TTBK2: variants seen among roughly 807,000 people sequenced by gnomAD.
TTBK2 encodes the protein tau-tubulin kinase 2.
In TTBK2, 28 loss-of-function variants were observed where a neutral mutation model predicts 110.8. The observed-to-expected ratio is 0.25, with a 90% CI of 0.19 to 0.35. The LOEUF (loss-of-function observed/expected upper bound fraction) is 0.35. Among genes scored for constraint, TTBK2 ranks in the 10% least tolerant of loss-of-function variants. TTBK2 has a pLI of 1.00. For synonymous variants in TTBK2, 532 were observed against 527.3 expected, an observed-to-expected ratio of 1.01 and a Z score of -0.12; for missense variants, 1,369 against 1,500.3, an observed-to-expected ratio of 0.91 and a Z score of 1.45.
chr15:42,801,239 C>T, intron 9 of TTBK2: 1 of 1,535,576 alleles, frequency 6.5e-7, no homozygotes, highest in African/African-American at 1.4e-5. Flanking sequence ...CCAACAGCTT[C>T]CTGTAGGTGG....
chr15:42,797,802 CAT>C (rs1209239992), intron 9 of TTBK2, among the ~76,000 whole-genome samples: 7 of 151,934 alleles, frequency 4.6e-5, no homozygotes, highest in African/African-American at 9.7e-5. Context: ...TGTGTGAATA[CAT>C]GTCTGTGTAT....
At chr15:42,861,662 T>C (rs1156797068) in intron 3 of TTBK2, among the ~76,000 whole-genome samples, 1 of 151,316 alleles carries the variant, frequency 6.6e-6, no homozygotes, top group East Asian at 1.9e-4. Context: ...AAATTAACAA[T>C]CTAATATCTT....
intron 1 of TTBK2, among the ~76,000 whole-genome samples, chr15:42,907,649 C>G (rs753873214): frequency 6.6e-6 from 1 of 151,438 alleles, no homozygotes; most frequent in Non-Finnish European, 1.5e-5. Flanking sequence ...TGGTGGTTAC[C>G]AGAGGCTGAA....
chr15:42,811,168 A>AT (rs1253808449), intron 8 of TTBK2, among the ~76,000 whole-genome samples: 2 of 152,012 alleles, frequency 1.3e-5, no homozygotes, highest in Non-Finnish European at 2.9e-5. Context: ...TTTTTAAAAA[A>AT]TTTTTGTAAA....
rs780679843 is a variant in TTBK2, at chr15:42,829,998, C to T, written c.372G>A (p.Gln124=). The change falls in exon 5 of 15, where the codon CAG becomes CAA. Residue 124 remains glutamine (Q), a synonymous_variant. Coordinates refer to ENST00000267890, the MANE Select transcript of TTBK2 (RefSeq NM_173500.4). The part of the protein sequence containing the change: ...TISTTLRLGR[Q]ILESIESIHS... ...GAATGCTTTCAATAGACTCCAAAAT[C>T]TGTCTACCCAGCCGGAGAGTGGTAC... The T allele has an allele frequency of 5.6e-6, 9 of 1,614,138 alleles. No individual in the cohort carries two copies. Among genetic ancestry groups the T allele is most frequent in the Non-Finnish European group, 6.8e-6 (8 of 1,180,026 alleles).
Position 42,872,691 on chromosome 15 carries a change from T to C in TTBK2, c.137A>G (p.Asn46Ser), listed in dbSNP as rs1894660911. The C allele has an allele frequency of 1.2e-6, 2 of 1,614,096 alleles. No individual in the cohort carries two copies. ...YDALDMLTRENVALKVESAQQ... is the reference protein window; with the variant it reads ...YDALDMLTRESVALKVESAQQ... The stretch of plus-strand genomic sequence containing the variant: ...AGCTGATTCCACCTTCAGTGCAACA[T>C]TTTCCCTGGTGAGCATGTCCAAGGC... Residue 46 changes from asparagine to serine, a missense_variant, in exon 3 of 15, where the codon AAT (asparagine) becomes AGT (serine). Physicochemically the swap from Asn to Ser is conservative, Grantham distance 46. Around this residue, in one of 4 missense-constraint regions of TTBK2, gnomAD observed 122 missense variants for 159.7 expected, o/e 0.76. Transcript: ENST00000267890.
chr15:42,807,717 A>G (rs1208584955), intron 9 of TTBK2, among the ~76,000 whole-genome samples: 1 of 152,166 alleles, frequency 6.6e-6, no homozygotes, highest in Non-Finnish European at 1.5e-5. Flanking sequence ...GATTACAAGC[A>G]TGAACCACTG....
intron 6 of TTBK2, among the ~76,000 whole-genome samples, chr15:42,818,937 A>C (rs1164301453): frequency 8.7e-5 from 13 of 149,958 alleles, no homozygotes; most frequent in Admixed American, 6.6e-4. Flanking sequence ...AAAAAAAACA[A>C]AAAACAAAAC....
chr15:42,838,957 A>AG (rs1448746220), intron 4 of TTBK2, among the ~76,000 whole-genome samples: 15 of 152,054 alleles, frequency 9.9e-5, no homozygotes, highest in African/African-American at 3.6e-4. Flanking sequence ...TTCAATATTT[A>AG]TTTTAGGTTC....
chr15:42,764,455 T>C (rs543127775), intron 13 of TTBK2, among the ~76,000 whole-genome samples: 1 of 152,380 alleles, frequency 6.6e-6, no homozygotes, highest in Admixed American at 6.5e-5. Context: ...GGAGATTACA[T>C]CCTGCGCCAG....
chr15:42,902,043 C>G (rs796997052), intron 1 of TTBK2, among the ~76,000 whole-genome samples: 1 of 151,866 alleles, frequency 6.6e-6, no homozygotes, highest in East Asian at 1.9e-4. Context: ...TGGTGAAACC[C>G]CATCTCTACT....
intron 1 of TTBK2, among the ~76,000 whole-genome samples, chr15:42,911,131 G>C (rs1438995486): frequency 6.6e-6 from 1 of 152,100 alleles, no homozygotes; most frequent in African/African-American, 2.4e-5. Flanking sequence ...ATTGAACGGG[G>C]AGGTTAATAC....
chr15:42,841,109 C>A lies in TTBK2; in HGVS notation c.218-676G>T, dbSNP rs566476116. Among the ~76,000 whole-genome samples the A allele has an allele frequency of 1.0e-3, 159 of 152,260 alleles. 1 individual carries two copies. Among genetic ancestry groups the A allele is most frequent in the African/African-American group, 3.8e-3 (156 of 41,544 alleles). On this transcript the variant is annotated intron_variant, in intron 3 of 14. Transcript: ENST00000267890. ...ATTTTTGTTTTTTGACACCACTGAC[C>A]CGAAGGCAGTGGAAAACTTTTTAAA...
intron 3 of TTBK2, among the ~76,000 whole-genome samples, chr15:42,853,368 T>C (rs1161387688): frequency 6.6e-6 from 1 of 152,172 alleles, no homozygotes. Context: ...ACAAATTAAT[T>C]CCCAAATATC....
At chr15:42,809,175 T>C (rs529244527) in intron 9 of TTBK2, among the ~76,000 whole-genome samples, 71 of 152,328 alleles carry the variant, frequency 4.7e-4, no homozygotes, top group African/African-American at 1.6e-3. Context: ...TTAGGAAAGA[T>C]CACAGCAGGA....
chr15:42,869,802 C>T (rs1402997931), intron 3 of TTBK2, among the ~76,000 whole-genome samples: 7 of 152,120 alleles, frequency 4.6e-5, no homozygotes, highest in African/African-American at 1.7e-4. Flanking sequence ...TATAGAAGTA[C>T]TATCTAATAG....
At chr15:42,882,311 G>C (rs189873936) in intron 1 of TTBK2, among the ~76,000 whole-genome samples, 1 of 151,732 alleles carries the variant, frequency 6.6e-6, no homozygotes, top group African/African-American at 2.4e-5. Flanking sequence ...AAAATAACTA[G>C]AAAACAGCCA....
intron 13 of TTBK2, among the ~76,000 whole-genome samples, chr15:42,758,738 T>C (rs1177996375): frequency 6.6e-6 from 1 of 151,458 alleles, no homozygotes; most frequent in East Asian, 1.9e-4. Context: ...AAGCCCAGAT[T>C]GGGCTGGAGT....
In TTBK2 at chr15:42,745,544, T is replaced by G. The variant is rs2061779957; in HGVS notation, c.*251A>C. On this transcript the variant is annotated 3_prime_UTR_variant, in exon 15 of 15. Coordinates refer to ENST00000267890, the MANE Select transcript of TTBK2 (RefSeq NM_173500.4). ...CTTAAAAAATGAGAGCTCATTTTAA[T>G]GAGTTTCTCCCCCTTGGATTTTTGC... 4 of 522,926 alleles carry G rather than the reference T, an allele frequency of 7.6e-6. No homozygotes were observed. Among genetic ancestry groups the G allele is most frequent in the Admixed American group, 6.5e-5 (2 of 30,952 alleles). The allele number at this position is 522,926 out of a possible 1,614,324, so 32.4% of individuals were successfully genotyped here.
Sources: allele counts gnomAD v4.1 joint callset (sites outside exome capture counted in the v4.1 genomes callset), GRCh38; gene constraint gnomAD v4.1.1; regional missense constraint gnomAD v4.1.1; transcripts MANE v1.5; gene names NCBI Gene and HGNC (gene_info 2026-07-23, HGNC 2026-07-21).